MBOAT2: variants seen among roughly 807,000 people sequenced by gnomAD.
The protein encoded by MBOAT2 is membrane-bound glycerophospholipid O-acyltransferase 2.
In MBOAT2, 28 loss-of-function variants were observed where a neutral mutation model predicts 63.4. That is an observed-to-expected ratio of 0.44 (90% confidence interval 0.33 to 0.61). The LOEUF (loss-of-function observed/expected upper bound fraction) is 0.61. MBOAT2 is among the 20% of genes least tolerant of loss of function. The probability of loss-of-function intolerance (pLI) is 0.03; values close to 1 mark genes in which losing one functional copy is unlikely to be tolerated. For synonymous variants in MBOAT2, 211 were observed against 215.6 expected, an observed-to-expected ratio of 0.98 and a Z score of 0.19; for missense variants, 470 against 605.8, an observed-to-expected ratio of 0.78 and a Z score of 2.35.
At chr2:8,979,134 T>A (rs1002700545) in intron 1 of MBOAT2, among the ~76,000 whole-genome samples, 3 of 152,178 alleles carry the variant, frequency 2.0e-5, no homozygotes, top group African/African-American at 7.2e-5. Flanking sequence ...TGTCAGCTTA[T>A]CAACTTATGG....
intron 4 of MBOAT2, among the ~76,000 whole-genome samples, chr2:8,894,792 G>A (rs773134262): frequency 4.6e-5 from 7 of 152,204 alleles, no homozygotes; most frequent in Non-Finnish European, 1.0e-4. Context: ...CTTCTGGTGG[G>A]TTCGTGGTCT....
intron 1 of MBOAT2, among the ~76,000 whole-genome samples, chr2:8,986,442 A>G (rs1671572676): frequency 6.6e-6 from 1 of 152,026 alleles, no homozygotes; most frequent in African/African-American, 2.4e-5. Context: ...GCATGCCTGT[A>G]GTCCCAGCTA....
intron 1 of MBOAT2, among the ~76,000 whole-genome samples, chr2:8,971,713 T>C (rs1670470677): frequency 6.6e-6 from 1 of 152,168 alleles, no homozygotes; most frequent in African/African-American, 2.4e-5. Flanking sequence ...AGCATTCCTA[T>C]ACACCAATAA....
intron 1 of MBOAT2, among the ~76,000 whole-genome samples, chr2:9,000,967 A>C (rs534568877): frequency 6.6e-4 from 101 of 152,238 alleles, no homozygotes; most frequent in Non-Finnish European, 1.3e-3. Flanking sequence ...TTTTCTATTA[A>C]AATTTTTTTA....
At chr2:8,948,337 A>G (rs1398284271) in intron 2 of MBOAT2, among the ~76,000 whole-genome samples, 1 of 152,146 alleles carries the variant, frequency 6.6e-6, no homozygotes, top group African/African-American at 2.4e-5. Context: ...CAACAACAAA[A>G]AATTTTTTTT....
intron 1 of MBOAT2, among the ~76,000 whole-genome samples, chr2:8,990,219 C>T (rs997681638): frequency 6.6e-6 from 1 of 152,180 alleles, no homozygotes; most frequent in Non-Finnish European, 1.5e-5. Context: ...AGAAGTTGCA[C>T]CTTTGCTCCA....
intron 1 of MBOAT2, among the ~76,000 whole-genome samples, chr2:8,992,473 A>G (rs1334530942): frequency 1.3e-5 from 2 of 152,200 alleles, no homozygotes; most frequent in African/African-American, 4.8e-5. Context: ...TATCACTTAG[A>G]TGTTTTTCAT....
intron 9 of MBOAT2, among the ~76,000 whole-genome samples, chr2:8,864,650 C>A (rs1661732720): frequency 1.3e-5 from 2 of 152,058 alleles, no homozygotes; most frequent in Non-Finnish European, 2.9e-5. Context: ...GACATCCTGC[C>A]CTGCCATCGT....
At chr2:8,915,773 C>G (rs973340187) in intron 3 of MBOAT2, among the ~76,000 whole-genome samples, 4 of 152,142 alleles carry the variant, frequency 2.6e-5, no homozygotes, top group African/African-American at 9.7e-5. Context: ...AATATACATG[C>G]AAATAAAATC....
rs1333718882 is a variant in MBOAT2, at chr2:8,979,535, A to G, written c.76-20893T>C. On this transcript the variant is annotated intron_variant, in intron 1 of 12. Transcript: ENST00000305997. ...ATTGTATCCCCCAGCACCTAGTCCC[A>G]CCACATTTATCAGCTTAACAAGTAT... Among the ~76,000 whole-genome samples the G allele has an allele frequency of 9.2e-5, 14 of 152,076 alleles. No homozygotes were observed. In the East Asian group the frequency reaches 2.5e-3, roughly 27 times the overall value.
At chr2:8,913,194 A>G (rs1156415321) in intron 3 of MBOAT2, among the ~76,000 whole-genome samples, 1 of 152,242 alleles carries the variant, frequency 6.6e-6, no homozygotes, top group Non-Finnish European at 1.5e-5. Flanking sequence ...CTCAAGATGG[A>G]TTAAGGACTT....
At chr2:8,968,211 T>A (rs1166064828) in intron 1 of MBOAT2, among the ~76,000 whole-genome samples, 1 of 152,184 alleles carries the variant, frequency 6.6e-6, no homozygotes, top group Non-Finnish European at 1.5e-5. Flanking sequence ...CAGCAACATT[T>A]GCTGTTCAGC....
At chr2:8,858,933 A>G (rs377117346) in intron 12 of MBOAT2, 29 bp from the exon 13 acceptor site, 30 of 1,501,594 alleles carry the variant, frequency 2.0e-5, no homozygotes, top group Non-Finnish European at 2.6e-5. Context: ...AAGTTTATTA[A>G]AACTTGATAA....
At chr2:8,869,235 T>TG (rs1313221527) in intron 8 of MBOAT2, among the ~76,000 whole-genome samples, 26 of 146,200 alleles carry the variant, frequency 1.8e-4, no homozygotes, top group African/African-American at 5.1e-5. Context: ...TTTGTAGAGA[T>TG]GGGGGTCCCA....
chr2:8,908,749 A>G (rs563295263), intron 3 of MBOAT2, 33 bp from the exon 4 acceptor site: 1 of 1,302,044 alleles, frequency 7.7e-7, no homozygotes, highest in South Asian at 1.2e-5. Context: ...ATTAATGAAA[A>G]TAAGACTCAT....
intron 2 of MBOAT2, among the ~76,000 whole-genome samples, chr2:8,947,922 C>T (rs1000646611): frequency 2.0e-5 from 3 of 152,142 alleles, no homozygotes; most frequent in East Asian, 3.9e-4. Flanking sequence ...AAATACATTT[C>T]GTAGGGCTAT....
intron 4 of MBOAT2, among the ~76,000 whole-genome samples, chr2:8,902,793 G>A (rs1170243311): frequency 6.6e-6 from 1 of 152,230 alleles, no homozygotes; most frequent in Non-Finnish European, 1.5e-5. Context: ...GACCCAAAGA[G>A]TGAGCAGCAG....
Position 8,868,553 on chromosome 2 carries a change from T to C in MBOAT2, c.884-4A>G, listed in dbSNP as rs371600048. 5.0e-6 allele frequency: 8 copies of C among 1,608,046 alleles called. No individual in the cohort carries two copies. Among genetic ancestry groups the C allele is most frequent in the South Asian group, 4.5e-5 (4 of 89,844 alleles). On this transcript the variant is annotated splice_region_variant and splice_polypyrimidine_tract_variant and intron_variant, in intron 8 of 12. Coordinates refer to ENST00000305997, the MANE Select transcript of MBOAT2 (RefSeq NM_138799.4). ...GCAGCATTATTAATGGCATCAGCTATAGAAAACAACATTAGAAAAAAGTAT... is the reference window on the plus strand; with the variant it reads ...GCAGCATTATTAATGGCATCAGCTACAGAAAACAACATTAGAAAAAAGTAT...
At chr2:8,935,029 T>A (rs965436348) in intron 3 of MBOAT2, among the ~76,000 whole-genome samples, 3 of 152,180 alleles carry the variant, frequency 2.0e-5, no homozygotes, top group Non-Finnish European at 2.9e-5. Flanking sequence ...AGTCTGCTCT[T>A]CAGGGTCATG....
Sources: allele counts gnomAD v4.1 joint callset (sites outside exome capture counted in the v4.1 genomes callset), GRCh38; gene constraint gnomAD v4.1.1; transcripts MANE v1.5; gene names NCBI Gene and HGNC (gene_info 2026-07-23, HGNC 2026-07-21).